The following XKR7 variants were observed in gnomAD, a reference collection of about 807,000 sequenced individuals.
XKR7 encodes the protein XK related 7, also known as XK-related protein 7.
XKR7 carries 11 observed loss-of-function variants against 42.2 expected under a neutral mutation model. That is an observed-to-expected ratio of 0.26 (90% CI 0.16 to 0.43). The LOEUF is 0.43. Ranked by LOEUF, XKR7 falls within the 20% of genes least tolerant of loss-of-function variation. The probability of loss-of-function intolerance (pLI) is 1.00; values close to 1 mark genes in which losing one functional copy is unlikely to be tolerated. For synonymous variants in XKR7, 346 were observed against 366.4 expected, an observed-to-expected ratio of 0.94 and a Z score of 0.64; for missense variants, 710 against 802.2, an observed-to-expected ratio of 0.89 and a Z score of 1.39.
At chr20:31,976,984 G>A (rs926502826) in intron 1 of XKR7, among the ~76,000 whole-genome samples, 2 of 152,188 alleles carry the variant, frequency 1.3e-5, no homozygotes, top group Non-Finnish European at 2.9e-5. Context: ...GTCTATGGTG[G>A]GTTCTTGCAA....
At chr20:31,971,046 C>T (rs1028995566) in intron 1 of XKR7, among the ~76,000 whole-genome samples, 1 of 152,184 alleles carries the variant, frequency 6.6e-6, no homozygotes, top group African/African-American at 2.4e-5. Flanking sequence ...GTAATTCTGC[C>T]ACTAAAGTGT....
At chr20:31,969,198 A>G (rs1334348236) in intron 1 of XKR7, among the ~76,000 whole-genome samples, 1 of 152,252 alleles carries the variant, frequency 6.6e-6, no homozygotes. Flanking sequence ...TCCTCAGTTC[A>G]GAATTGCAGC....
chr20:31,981,004 G>A (rs550058181), intron 1 of XKR7, among the ~76,000 whole-genome samples: 5 of 150,556 alleles, frequency 3.3e-5, no homozygotes, highest in South Asian at 2.1e-4. Flanking sequence ...GGTCGAGGCC[G>A]CAATGAGCTG....
intron 1 of XKR7, among the ~76,000 whole-genome samples, chr20:31,981,378 A>C (rs1014025446): frequency 1.3e-5 from 2 of 151,952 alleles, no homozygotes; most frequent in South Asian, 2.1e-4. Flanking sequence ...CCTGTCTCAA[A>C]AACAACAACA....
intron 1 of XKR7, chr20:31,970,643 C>T (rs574507864): frequency 2.1e-4 from 32 of 152,256 alleles, no homozygotes; most frequent in African/African-American, 7.0e-4. Flanking sequence ...AACCCAGAGT[C>T]GTAGCTTCCC....
rs2064632697 is a variant in XKR7 at position 32,003,091 on chromosome 20, G to A, written c.*5634G>A. 1 of 152,272 alleles carries A rather than the reference G, an allele frequency of 6.6e-6. No homozygotes were observed. Among genetic ancestry groups the A allele is most frequent in the Non-Finnish European group, 1.5e-5 (1 of 68,084 alleles). The allele number at this position is 152,272 out of a possible 1,614,324, so 9.4% of individuals were successfully genotyped here. On this transcript the variant is annotated 3_prime_UTR_variant, in exon 3 of 3. Coordinates refer to ENST00000562532, the MANE Select transcript of XKR7 (RefSeq NM_001011718.2). The stretch of plus-strand genomic sequence containing the variant: ...ATGCCTGAGGGGCTAATCTCCCTCT[G>A]TCAGCACAATTCCGAGTGATTCTTC...
At chr20:31,969,588 T>C (rs778007147) in intron 1 of XKR7, among the ~76,000 whole-genome samples, 2 of 152,236 alleles carry the variant, frequency 1.3e-5, no homozygotes, top group Admixed American at 6.5e-5. Context: ...GAATCTGAAT[T>C]GCTATTTAGT....
intron 1 of XKR7, among the ~76,000 whole-genome samples, chr20:31,969,155 A>C (rs2064452443): frequency 6.6e-6 from 1 of 152,202 alleles, no homozygotes. Context: ...GGGCTCAGGA[A>C]AGATCTCAGA....
rs1337160921 is a variant in XKR7, at chr20:31,986,953, G to A, written c.585-8115G>A. 3.3e-4 allele frequency among the ~76,000 whole-genome samples: 47 copies of A among 144,530 alleles called. No homozygotes were observed. In the Admixed American group the frequency reaches 3.3e-3, roughly 10 times the overall value. 94.8% of individuals were successfully genotyped at this position (144,530 alleles called of 152,430 possible). A position where few individuals can be genotyped will look rare whatever the true frequency, so the allele number is the denominator to read the frequency against. On this transcript the variant is annotated intron_variant, in intron 1 of 2. Transcript: ENST00000562532. ...ACAAACAGACGACCAAGCAGACCCA[G>A]CATCCAAGGCACAGCAGACAGACAG... is the stretch of plus-strand genomic sequence containing the variant.
rs1179295270 is a variant in XKR7, at chr20:31,968,868, A to T, written c.584+109A>T. ...CTTTCCGGGCTACCCTCCTGTCCTG[A>T]CCTCCCCCCCTCCCCACCCCATTGC... On this transcript the variant is annotated intron_variant, in intron 1 of 2. Transcript: ENST00000562532. This position sits in a 1 kb window ranked among gnomAD's most constrained non-coding sequence, Gnocchi z 4.5. The T allele has an allele frequency of 3.7e-6, 5 of 1,366,648 alleles. No individual in the cohort carries two copies. The highest frequency in any genetic ancestry group is 4.7e-6 in the Non-Finnish European group (5 of 1,054,762). 84.7% of individuals were successfully genotyped at this position (1,366,648 alleles called of 1,614,324 possible). A position where few individuals can be genotyped will look rare whatever the true frequency, so the allele number is the denominator to read the frequency against.
intron 1 of XKR7, among the ~76,000 whole-genome samples, chr20:31,989,286 A>G (rs1403533592): frequency 3.0e-5 from 4 of 135,416 alleles, no homozygotes; most frequent in Non-Finnish European, 4.8e-5. Context: ...CCCCCCCCCC[A>G]GCGCATCTGG....
chr20:31,991,394 G>A (rs1305577106), intron 1 of XKR7, among the ~76,000 whole-genome samples: 1 of 152,108 alleles, frequency 6.6e-6, no homozygotes, highest in Non-Finnish European at 1.5e-5. Context: ...GGGCCATCTT[G>A]GTTTCTCCCC....
intron 1 of XKR7, among the ~76,000 whole-genome samples, chr20:31,981,005 C>A (rs2064509853): frequency 6.7e-6 from 1 of 149,062 alleles, no homozygotes; most frequent in Non-Finnish European, 1.5e-5. Flanking sequence ...GTCGAGGCCG[C>A]AATGAGCTGT....
chr20:31,972,303 G>C (rs966418971), intron 1 of XKR7, among the ~76,000 whole-genome samples: 1 of 152,216 alleles, frequency 6.6e-6, no homozygotes, highest in Admixed American at 6.5e-5. Context: ...CACTGAGGAA[G>C]TGAGGAAAGG....
At position 31,984,543 on chromosome 20, in the gene XKR7, G is replaced by A. The variant is rs74763017; in HGVS notation, c.585-10525G>A. Among the ~76,000 whole-genome samples the A allele has an allele frequency of 5.6e-3, 857 of 152,296 alleles. 4 individuals are homozygous for A. Among genetic ancestry groups the A allele is most frequent in the African/African-American group, 0.019 (784 of 41,554 alleles). On this transcript the variant is annotated intron_variant, in intron 1 of 2. Transcript: ENST00000562532. ...GGTGTAGACAAGAATCAGTTACTTGGGCTTGGGCCCATTTTATAGAAGAAG... is the reference window on the plus strand; with the variant it reads ...GGTGTAGACAAGAATCAGTTACTTGAGCTTGGGCCCATTTTATAGAAGAAG...
chr20:31,996,013 C>A (rs191380412), intron 2 of XKR7, among the ~76,000 whole-genome samples: 159 of 152,158 alleles, frequency 1.0e-3, no homozygotes, highest in African/African-American at 3.7e-3. Context: ...CACCTTGGGT[C>A]TCCCCATCCC....
rs771733306 is a variant in XKR7 at position 31,996,914 on chromosome 20, C to T, written c.1197C>T (p.Thr399=). The change falls in exon 3 of 3, where the codon ACC becomes ACT. Residue 399 remains threonine, a synonymous_variant. Coordinates refer to ENST00000562532, the MANE Select transcript of XKR7 (RefSeq NM_001011718.2). ...TCCTGCTGGAGAACGCCGCGCTCAC[C>T]GGCTTCTGGTACTCCAGCCGCAACT... ...CIVLLENAAL[T]GFWYSSRNFS... The T allele has an allele frequency of 7.4e-6, 12 of 1,613,776 alleles. No homozygotes were observed. The highest frequency in any genetic ancestry group is 2.2e-5 in the East Asian group (1 of 44,878).
Position 31,973,903 on chromosome 20 carries a change from A to C in XKR7, c.584+5144A>C, listed in dbSNP as rs2064474692. ...CCACTCTGGCTGCTGGGTGGGGAATAGACTGGAGGGGCCGGGCACAGTGGC... is the reference window on the plus strand; with the variant it reads ...CCACTCTGGCTGCTGGGTGGGGAATCGACTGGAGGGGCCGGGCACAGTGGC... On this transcript the variant is annotated intron_variant, in intron 1 of 2. Transcript: ENST00000562532. Among the ~76,000 whole-genome samples the C allele has an allele frequency of 2.0e-5, 3 of 152,250 alleles. No homozygotes were observed. The South Asian group carries it at 6.2e-4, about 32-fold the overall frequency.
chr20:31,994,434 C>T (rs1360453630), intron 1 of XKR7, among the ~76,000 whole-genome samples: 1 of 152,092 alleles, frequency 6.6e-6, no homozygotes, highest in Non-Finnish European at 1.5e-5. Flanking sequence ...GGAATTGGGC[C>T]GTGTGCGGTG....
Sources: gnomAD v4.1 joint callset for allele counts (sites outside exome capture counted in the v4.1 genomes callset) on GRCh38, gnomAD v4.1.1 for gene constraint, Gnocchi (gnomAD v3.1) non-coding constraint, MANE v1.5 for transcripts, NCBI Gene and HGNC (gene_info 2026-07-23, HGNC 2026-07-21) for gene names.